Variants in NTSR1 observed in about 807,000 individuals in gnomAD.
The protein encoded by NTSR1 is neurotensin receptor 1.
Under a neutral mutation model 31.2 loss-of-function variants are expected in NTSR1, and 29 were observed. The ratio of observed to expected loss-of-function variants is 0.93; its 90% CI spans 0.69 to 1.27. NTSR1 has a LOEUF of 1.27. Ranked by LOEUF, NTSR1 falls within the 50% of genes most tolerant of loss-of-function variation. The probability of loss-of-function intolerance (pLI) is 0.00; values close to 1 mark genes in which losing one functional copy is unlikely to be tolerated. For synonymous variants in NTSR1, 282 were observed against 269.9 expected (o/e 1.04, Z -0.44); for missense variants, 697 against 595.4 (o/e 1.17, Z -1.78).
At chr20:62,729,298 T>C (rs926714109) in intron 1 of NTSR1, among the ~76,000 whole-genome samples, 1 of 152,170 alleles carries the variant, frequency 6.6e-6, no homozygotes, top group Non-Finnish European at 1.5e-5. Flanking sequence ...GGTGGCCTGC[T>C]CAACACAGGC....
intron 1 of NTSR1, among the ~76,000 whole-genome samples, chr20:62,713,659 A>G (rs1006543713): frequency 1.3e-5 from 2 of 152,174 alleles, no homozygotes; most frequent in African/African-American, 2.4e-5. Flanking sequence ...GGTGTGGCCA[A>G]ATGGAAGGAG....
At chr20:62,727,758 G>T (rs1357887714) in intron 1 of NTSR1, among the ~76,000 whole-genome samples, 1 of 152,262 alleles carries the variant, frequency 6.6e-6, no homozygotes, top group Non-Finnish European at 1.5e-5. Context: ...TCAGCAAATG[G>T]CCCCGGCCTC....
At chr20:62,759,762 G>C (rs528670622) in intron 3 of NTSR1, among the ~76,000 whole-genome samples, 19 of 127,012 alleles carry the variant, frequency 1.5e-4, no homozygotes, top group Admixed American at 3.5e-4. Flanking sequence ...GAGACAGAGC[G>C]AGACTCCGTC....
At chr20:62,756,070 G>A (rs937700946) in intron 2 of NTSR1, among the ~76,000 whole-genome samples, 3 of 151,826 alleles carry the variant, frequency 2.0e-5, no homozygotes, top group African/African-American at 7.3e-5. Flanking sequence ...TTGCTCACAG[G>A]CATGGAGGCA....
rs1454894329 is a variant in NTSR1, at chr20:62,711,406, T to C, written c.714+1485T>C. ...GCTCTCCCCAAGCTCCTGTCTTTGA[T>C]TGGCATTGGCCAGGGGGAACCTCTC... is the stretch of plus-strand genomic sequence containing the variant. On this transcript the variant is annotated intron_variant, in intron 1 of 3. Transcript: ENST00000370501. The surrounding 1 kb of genome is among the most constrained non-coding windows in gnomAD (Gnocchi z 6.4). 2.6e-5 allele frequency among the ~76,000 whole-genome samples: 4 copies of C among 152,168 alleles called. No individual in the cohort carries two copies. Among genetic ancestry groups the C allele is most frequent in the Non-Finnish European group, 5.9e-5 (4 of 68,014 alleles).
At chr20:62,721,416 C>A (rs1450893700) in intron 1 of NTSR1, among the ~76,000 whole-genome samples, 1 of 152,150 alleles carries the variant, frequency 6.6e-6, no homozygotes, top group African/African-American at 2.4e-5. Flanking sequence ...AATTCCTGAA[C>A]ATTTTGAATT....
intron 1 of NTSR1, among the ~76,000 whole-genome samples, chr20:62,723,950 G>A (rs1269327511): frequency 6.6e-6 from 1 of 152,222 alleles, no homozygotes; most frequent in African/African-American, 2.4e-5. Context: ...AGCAGCCTCT[G>A]GGGCAGGAGG....
At chr20:62,719,468 G>A (rs560861236) in intron 1 of NTSR1, among the ~76,000 whole-genome samples, 14 of 150,712 alleles carry the variant, frequency 9.3e-5, no homozygotes, top group African/African-American at 3.2e-4. Flanking sequence ...ATCGTCATAC[G>A]ATCATCCCCA....
intron 1 of NTSR1, among the ~76,000 whole-genome samples, chr20:62,720,465 T>C (rs1039518230): frequency 1.8e-4 from 28 of 152,208 alleles, no homozygotes; most frequent in African/African-American, 6.8e-4. Context: ...CCTTTTAATG[T>C]CTGTGGGGTC....
chr20:62,716,257 C>T (rs759727157), intron 1 of NTSR1, among the ~76,000 whole-genome samples: 1 of 152,182 alleles, frequency 6.6e-6, no homozygotes, highest in Non-Finnish European at 1.5e-5. Flanking sequence ...ATGACTCAGA[C>T]TGGCAGAATC....
At chr20:62,710,211 C>A (rs570027089) in intron 1 of NTSR1, among the ~76,000 whole-genome samples, 2 of 152,364 alleles carry the variant, frequency 1.3e-5, no homozygotes, top group Non-Finnish European at 2.9e-5. Context: ...AACATGTGCG[C>A]TGGCACCTGC....
At chr20:62,724,372 A>G (rs6011897) in intron 1 of NTSR1, among the ~76,000 whole-genome samples, 138,638 of 152,216 alleles carry the variant, frequency 0.91, 63,335 homozygotes, top group East Asian at 1. Context: ...GAGGGTCCCC[A>G]AGGCCCCTAC....
intron 1 of NTSR1, among the ~76,000 whole-genome samples, chr20:62,739,274 C>G (rs962721745): frequency 6.6e-6 from 1 of 152,206 alleles, no homozygotes; most frequent in African/African-American, 2.4e-5. Flanking sequence ...GTCCTATGCT[C>G]TTGAGATCCC....
At chr20:62,757,908 GTC>G (rs1989538948) in intron 2 of NTSR1, among the ~76,000 whole-genome samples, 1 of 151,600 alleles carries the variant, frequency 6.6e-6, no homozygotes, top group Non-Finnish European at 1.5e-5. Context: ...CTGAGCCCAT[GTC>G]TCCCCCACTG....
In NTSR1 at chr20:62,733,456, C is replaced by T. The variant is rs1416436191; in HGVS notation, c.715-21229C>T. Reference sequence around the variant, plus strand: ...CCACTGGCAGCTCCCCAGTGGGAATCGTGCCTTCTAGTCCAGATTTCCACT... The same window carrying T: ...CCACTGGCAGCTCCCCAGTGGGAATTGTGCCTTCTAGTCCAGATTTCCACT... On this transcript the variant is annotated intron_variant, in intron 1 of 3. Transcript: ENST00000370501. The surrounding 1 kb of genome is among the most constrained non-coding windows in gnomAD (Gnocchi z 5.2). Among the ~76,000 whole-genome samples, 3 of 152,158 alleles carry T rather than the reference C, an allele frequency of 2.0e-5. No individual in the cohort carries two copies. Among genetic ancestry groups the T allele is most frequent in the Non-Finnish European group, 4.4e-5 (3 of 68,042 alleles).
chr20:62,761,379 A>T lies in NTSR1; in HGVS notation c.*1112A>T, dbSNP rs933712630. The stretch of plus-strand genomic sequence containing the variant: ...CAGCCCTGGGCTGAGGCACAGACTC[A>T]TTTGTCACCTTCTGGCGGCGGCAGC... On this transcript the variant is annotated 3_prime_UTR_variant, in exon 4 of 4. Transcript: ENST00000370501. The T allele has an allele frequency of 9.9e-5, 15 of 152,130 alleles. No individual in the cohort carries two copies. Among genetic ancestry groups the T allele is most frequent in the African/African-American group, 3.6e-4 (15 of 41,402 alleles). 9.4% of individuals were successfully genotyped at this position (152,130 alleles called of 1,614,324 possible).
rs1235728679 is a variant in NTSR1, at chr20:62,733,624, G to A, written c.715-21061G>A. Among the ~76,000 whole-genome samples the A allele has an allele frequency of 2.8e-5, 4 of 142,626 alleles. No homozygotes were observed. The Admixed American group carries it at 2.9e-4, about 10-fold the overall frequency. 93.6% of individuals were successfully genotyped at this position (142,626 alleles called of 152,430 possible). A position where few individuals can be genotyped will look rare whatever the true frequency, so the allele number is the denominator to read the frequency against. ...GGATGGGGAGGAGAGATACACACAT[G>A]GAGAAAAAGAGGGAGATAGAGAAGA... On this transcript the variant is annotated intron_variant, in intron 1 of 3. Transcript: ENST00000370501. This position sits in a 1 kb window ranked among gnomAD's most constrained non-coding sequence, Gnocchi z 5.2.
chr20:62,719,736 G>T (rs139396506), intron 1 of NTSR1, among the ~76,000 whole-genome samples: 1 of 152,172 alleles, frequency 6.6e-6, no homozygotes, highest in African/African-American at 2.4e-5. Flanking sequence ...TCATTTCGTC[G>T]TGTATTAGCT....
intron 1 of NTSR1, among the ~76,000 whole-genome samples, chr20:62,727,134 G>A (rs1352435084): frequency 6.6e-6 from 1 of 152,186 alleles, no homozygotes; most frequent in Admixed American, 6.5e-5. Flanking sequence ...TGGGAAGCGG[G>A]TTGCCTGCAT....
Sources: allele counts gnomAD v4.1 joint callset (sites outside exome capture counted in the v4.1 genomes callset), GRCh38; gene constraint gnomAD v4.1.1; non-coding constraint Gnocchi (gnomAD v3.1); transcripts MANE v1.5; gene names NCBI Gene and HGNC (gene_info 2026-07-23, HGNC 2026-07-21).